Variants in SHANK2 observed in about 807,000 individuals in gnomAD.
SHANK2 encodes SH3 and multiple ankyrin repeat domains 2.
A neutral mutation model predicts 133.7 loss-of-function variants in SHANK2; 43 were observed. That is an observed-to-expected ratio of 0.32 (90% CI 0.25 to 0.41). SHANK2 has a LOEUF of 0.41. Among genes scored for constraint, SHANK2 ranks in the 10% least tolerant of loss-of-function variants. The probability of loss-of-function intolerance (pLI) is 1.00; values close to 1 mark genes in which losing one functional copy is unlikely to be tolerated. For missense variants in SHANK2, 1,994 were observed against 2,235.8 expected (o/e 0.89, Z 2.18); for synonymous variants, 1,017 against 952.8 (o/e 1.07, Z -1.24).
intron 10 of SHANK2, chr11:70,933,162 C>A: frequency 2.2e-6 from 1 of 456,650 alleles, no homozygotes; most frequent in Admixed American, 2.3e-5. Context: ...TGCATCCATG[C>A]AGGTGGAATA....
intron 14 of SHANK2, among the ~76,000 whole-genome samples, chr11:70,753,111 T>TCAAAA (rs1202829778): frequency 6.8e-6 from 1 of 146,006 alleles, no homozygotes; most frequent in East Asian, 2.0e-4. Flanking sequence ...AGATTCTGTC[T>TCAAAA]CAAAACAAAA....
At chr11:70,842,277 C>CCAAGTCA (rs1948919223) in intron 11 of SHANK2, among the ~76,000 whole-genome samples, 1 of 152,140 alleles carries the variant, frequency 6.6e-6, no homozygotes, top group Non-Finnish European at 1.5e-5. Context: ...GGCCAAAACC[C>CCAAGTCA]ATGCTGGAAA....
Position 70,826,523 on chromosome 11 carries a change from G to A in SHANK2, c.1175-5841C>T, listed in dbSNP as rs781868274. 3.4e-4 allele frequency: 158 copies of A among 471,188 alleles called. 2 individuals carry two copies. The highest frequency in any genetic ancestry group is 2.3e-3 in the South Asian group (146 of 64,562). The allele number at this position is 471,188 out of a possible 1,614,324, so 29.2% of individuals were successfully genotyped here. ...CTTCATTTTCCCTCTGACTTTGGCAGCGGTCCGCTCATTATATAACCTTCC... is the reference window on the plus strand; with the variant it reads ...CTTCATTTTCCCTCTGACTTTGGCAACGGTCCGCTCATTATATAACCTTCC... On this transcript the variant is annotated intron_variant, in intron 11 of 25. Coordinates refer to ENST00000601538, the MANE Select transcript of SHANK2 (RefSeq NM_012309.5).
At chr11:71,244,709 T>G (rs1007597833) in intron 1 of SHANK2, among the ~76,000 whole-genome samples, 2 of 152,112 alleles carry the variant, frequency 1.3e-5, no homozygotes, top group Non-Finnish European at 2.9e-5. Context: ...CAAGTGTTTT[T>G]TTGTTGTTGT....
intron 14 of SHANK2, among the ~76,000 whole-genome samples, chr11:70,740,529 C>T (rs1455637568): frequency 2.6e-5 from 4 of 152,142 alleles, no homozygotes; most frequent in Admixed American, 6.5e-5. Flanking sequence ...GTAGCTGAAG[C>T]GCCCTCATCC....
intron 18 of SHANK2, 115 bp from the exon 19 acceptor site, chr11:70,502,401 T>A: frequency 1.1e-6 from 1 of 932,894 alleles, no homozygotes; most frequent in Non-Finnish European, 1.6e-6. Context: ...TTGGCTGCGG[T>A]GGTCAGGGAT....
At chr11:70,502,529 C>A (rs943853977) in intron 18 of SHANK2, among the ~76,000 whole-genome samples, 3 of 152,098 alleles carry the variant, frequency 2.0e-5, no homozygotes, top group Non-Finnish European at 2.9e-5. Flanking sequence ...GGGGACAGGG[C>A]ACTGAGTGGG....
At chr11:70,907,859 T>C (rs1950129724) in intron 10 of SHANK2, 4 of 454,158 alleles carry the variant, frequency 8.8e-6, no homozygotes, top group Non-Finnish European at 1.8e-5. Context: ...CCCAACAATT[T>C]CGGAGGTAGA....
intron 1 of SHANK2, among the ~76,000 whole-genome samples, chr11:71,250,318 C>G (rs1246825646): frequency 6.6e-6 from 1 of 152,160 alleles, no homozygotes; most frequent in African/African-American, 2.4e-5. Context: ...CAAGGAATTC[C>G]TGGGTGTAAT....
chr11:70,660,455 T>C (rs1417441836), intron 16 of SHANK2, among the ~76,000 whole-genome samples: 2 of 152,290 alleles, frequency 1.3e-5, no homozygotes, highest in South Asian at 4.1e-4. Flanking sequence ...TCATGAGTCC[T>C]CTCTACAGGG....
In SHANK2 at chr11:71,173,436, G is replaced by A. The variant is rs1397342829; in HGVS notation, c.-12-26098C>T. On this transcript the variant is annotated intron_variant, in intron 2 of 25. Coordinates refer to ENST00000601538, the MANE Select transcript of SHANK2 (RefSeq NM_012309.5). ...ACCACTGCATGTGGTCCAGGTGTGAGTTCACCCTGCTGGAAATATCCTGAC... is the reference window on the plus strand; with the variant it reads ...ACCACTGCATGTGGTCCAGGTGTGAATTCACCCTGCTGGAAATATCCTGAC... Among the ~76,000 whole-genome samples, 3 of 152,230 alleles carry A rather than the reference G, an allele frequency of 2.0e-5. No individual in the cohort carries two copies. The South Asian group carries it at 6.2e-4, about 31-fold the overall frequency.
At chr11:70,799,327 G>A (rs1001535528) in intron 13 of SHANK2, among the ~76,000 whole-genome samples, 10 of 152,076 alleles carry the variant, frequency 6.6e-5, no homozygotes, top group Non-Finnish European at 1.5e-4. Context: ...ACTTGAACCC[G>A]GAAGATGGAA....
intron 6 of SHANK2, among the ~76,000 whole-genome samples, chr11:71,105,616 A>G (rs1173534221): frequency 4.2e-5 from 6 of 143,226 alleles, no homozygotes; most frequent in South Asian, 2.3e-4. Context: ...AAAAAAAAAG[A>G]AAGGGTCAGC....
Position 70,816,616 on chromosome 11 carries a change from C to T in SHANK2, c.1493+3748G>A, listed in dbSNP as rs150960560. On this transcript the variant is annotated intron_variant, in intron 12 of 25. Transcript: ENST00000601538. ...GGTTTTTCAGGAATAGTAAGGCAGGCGCACAAGGCATGGGGCTGAGCTTTG... is the reference window on the plus strand; with the variant it reads ...GGTTTTTCAGGAATAGTAAGGCAGGTGCACAAGGCATGGGGCTGAGCTTTG... 4.6e-3 allele frequency among the ~76,000 whole-genome samples: 694 copies of T among 152,314 alleles called. 1 individual carries two copies. The highest frequency in any genetic ancestry group is 7.5e-3 in the Non-Finnish European group (508 of 68,024).
At chr11:70,943,038 C>A (rs576856511) in intron 10 of SHANK2, 1 of 456,558 alleles carries the variant, frequency 2.2e-6, no homozygotes, top group East Asian at 7.0e-5. Flanking sequence ...CCAGCAAGTA[C>A]TGTGGGAATC....
intron 17 of SHANK2, among the ~76,000 whole-genome samples, chr11:70,525,020 G>A (rs1397045996): frequency 6.6e-6 from 1 of 152,242 alleles, no homozygotes; most frequent in Non-Finnish European, 1.5e-5. Flanking sequence ...GGGGACCAGA[G>A]TAAGATAAGG....
chr11:70,701,405 C>G (rs1252621200), intron 14 of SHANK2, among the ~76,000 whole-genome samples: 2 of 151,382 alleles, frequency 1.3e-5, no homozygotes, highest in Non-Finnish European at 2.9e-5. Flanking sequence ...AAAAAGGAAT[C>G]TTTTTTTTTC....
At chr11:70,634,507 T>C (rs2061045622) in intron 17 of SHANK2, 1 of 152,150 alleles carries the variant, frequency 6.6e-6, no homozygotes, top group Non-Finnish European at 1.5e-5. Context: ...AAGGGGTTAG[T>C]ATCCAGAATG....
Position 70,820,423 on chromosome 11 carries a change from G to C in SHANK2, c.1434C>G (p.Leu478=), listed in dbSNP as rs1555055543. 1 of 706,316 alleles carries C rather than the reference G, an allele frequency of 1.4e-6. No individual in the cohort carries two copies. The highest frequency in any genetic ancestry group is 2.0e-5 in the Admixed American group (1 of 49,576). The allele number at this position is 706,316 out of a possible 1,614,324, so 43.8% of individuals were successfully genotyped here. Residue 478 remains leucine (L), a synonymous_variant, in exon 12 of 26, where the codon CTC becomes CTG. Coordinates refer to ENST00000601538, the MANE Select transcript of SHANK2 (RefSeq NM_012309.5). ...VPGPRSRSPS[L]NRLGGAGEDG... ...CCTCGCCTGCGCCGCCCAGCCTGTT[G>C]AGCGATGGGGACCGGCTGCGGGGCC...
Sources: gnomAD v4.1 joint callset for allele counts (sites outside exome capture counted in the v4.1 genomes callset) on GRCh38, gnomAD v4.1.1 for gene constraint, MANE v1.5 for transcripts, NCBI Gene and HGNC (gene_info 2026-07-23, HGNC 2026-07-21) for gene names.